The following SH3RF3 variants were observed in gnomAD, a reference collection of about 807,000 sequenced individuals.
SH3RF3 encodes SH3 domain containing ring finger 3.
In SH3RF3, 29 loss-of-function variants were observed where a neutral mutation model predicts 66.3. That is an observed-to-expected ratio of 0.44 (90% CI 0.33 to 0.60). The LOEUF (loss-of-function observed/expected upper bound fraction) is 0.60, where lower values mean the gene tolerates loss of function less well. Among genes scored for constraint, SH3RF3 ranks in the 20% least tolerant of loss-of-function variants. SH3RF3 has a pLI of 0.04. For synonymous variants in SH3RF3, 583 were observed against 532.0 expected (o/e 1.10, Z -1.32); for missense variants, 1,194 against 1,190.9 (o/e 1.00, Z -0.04).
At chr2:109,430,069 G>A (rs980479055) in intron 5 of SH3RF3, among the ~76,000 whole-genome samples, 7 of 152,210 alleles carry the variant, frequency 4.6e-5, no homozygotes. Flanking sequence ...GTGGTCAGCA[G>A]CTAGGGCGTG....
In SH3RF3 at chr2:109,129,758, G is replaced by A; in HGVS notation, c.218G>A (p.Cys73Tyr). 2 of 1,539,532 alleles carry A rather than the reference G, an allele frequency of 1.3e-6. No individual in the cohort carries two copies. Among genetic ancestry groups the A allele is most frequent in the Non-Finnish European group, 1.7e-6 (2 of 1,145,270 alleles). Residue 73 changes from cysteine (C) to tyrosine (Y), a missense_variant, in exon 1 of 10, where the codon TGC becomes TAC. Physicochemically the swap from Cys to Tyr is radical, Grantham distance 194. Transcript: ENST00000309415. ...GACACCACGGCCAAGGTGCTGCCAT[G>A]CCAACACACTTTCTGCCGCCGCTGC... ...RLDTTAKVLPCQHTFCRRCLE... is the reference protein window; with the variant it reads ...RLDTTAKVLPYQHTFCRRCLE...
At chr2:109,401,262 G>A (rs558629684) in intron 4 of SH3RF3, among the ~76,000 whole-genome samples, 29 of 152,208 alleles carry the variant, frequency 1.9e-4, no homozygotes, top group Non-Finnish European at 3.1e-4. Flanking sequence ...GTGAACAGTC[G>A]AAAGTTGTGT....
chr2:109,365,697 T>C (rs1330447330), intron 2 of SH3RF3, among the ~76,000 whole-genome samples: 1 of 152,230 alleles, frequency 6.6e-6, no homozygotes, highest in Non-Finnish European at 1.5e-5. Context: ...CTGTTTTATT[T>C]CATTGATCTT....
At chr2:109,265,696 T>C (rs116263697) in intron 1 of SH3RF3, among the ~76,000 whole-genome samples, 52 of 152,386 alleles carry the variant, frequency 3.4e-4, no homozygotes, top group African/African-American at 1.2e-3. Context: ...ACAGGTCATC[T>C]GATTATAGTC....
chr2:109,205,111 G>A (rs1678778619), intron 1 of SH3RF3, among the ~76,000 whole-genome samples: 1 of 152,174 alleles, frequency 6.6e-6, no homozygotes, highest in African/African-American at 2.4e-5. Context: ...GGAGGCCGAG[G>A]TAGGAGGATG....
chr2:109,138,595 G>A (rs1354371527), intron 1 of SH3RF3, among the ~76,000 whole-genome samples: 1 of 152,182 alleles, frequency 6.6e-6, no homozygotes, highest in African/African-American at 2.4e-5. Context: ...TGGGCAGCCC[G>A]CTGCTGCTGG....
At chr2:109,386,664 C>T (rs983615335) in intron 3 of SH3RF3, among the ~76,000 whole-genome samples, 2 of 152,200 alleles carry the variant, frequency 1.3e-5, no homozygotes, top group African/African-American at 4.8e-5. Context: ...CTAGGGGCAG[C>T]CCCAGGATCC....
At chr2:109,333,794 T>TC (rs1682341270) in intron 1 of SH3RF3, among the ~76,000 whole-genome samples, 1 of 152,220 alleles carries the variant, frequency 6.6e-6, no homozygotes, top group African/African-American at 2.4e-5. Context: ...TGACTTAGTT[T>TC]CCTCCACTGT....
intron 1 of SH3RF3, among the ~76,000 whole-genome samples, chr2:109,158,185 G>A (rs1197745756): frequency 1.3e-5 from 2 of 152,192 alleles, no homozygotes; most frequent in Admixed American, 1.3e-4. Context: ...ACGACTGCAA[G>A]CTGTGCTGGG....
At chr2:109,429,688 C>T (rs1390561622) in intron 5 of SH3RF3, among the ~76,000 whole-genome samples, 1 of 152,190 alleles carries the variant, frequency 6.6e-6, no homozygotes, top group Non-Finnish European at 1.5e-5. Context: ...CCAGCCCTGG[C>T]CCTACCCCTG....
Position 109,227,207 on chromosome 2 carries a change from G to C in SH3RF3, c.573+97094G>C, listed in dbSNP as rs548443994. Among the ~76,000 whole-genome samples the C allele has an allele frequency of 7.9e-5, 12 of 152,282 alleles. No homozygotes were observed. The East Asian group carries it at 2.1e-3, about 27-fold the overall frequency. The stretch of plus-strand genomic sequence containing the variant: ...TGTGTGTTTTCTCCTGAAATTGAGA[G>C]GATCCCACCCAGGCCTCAGGGGCTG... On this transcript the variant is annotated intron_variant, in intron 1 of 9. Coordinates refer to ENST00000309415, the MANE Select transcript of SH3RF3 (RefSeq NM_001099289.3).
intron 1 of SH3RF3, 46 bp from the exon 2 acceptor site, chr2:109,347,628 T>C (rs1191888677): frequency 2.5e-6 from 4 of 1,591,064 alleles, no homozygotes; most frequent in Non-Finnish European, 2.6e-6. Flanking sequence ...TGTGGGGCAT[T>C]GGGAAGGGGC....
intron 1 of SH3RF3, among the ~76,000 whole-genome samples, chr2:109,301,340 GTGTGTGTGTGTGTT>G: frequency 7.9e-6 from 1 of 126,782 alleles, no homozygotes; most frequent in South Asian, 2.5e-4. Flanking sequence ...TGTGACGTGT[GTGTGTGTGTGTGTT>G]TGTGTATGTT....
In SH3RF3 at chr2:109,296,399, T is replaced by TG. The variant is rs200773359; in HGVS notation, c.574-51275_574-51274insG. 5.8e-3 allele frequency among the ~76,000 whole-genome samples: 884 copies of TG among 151,796 alleles called. 15 individuals are homozygous for TG. The highest frequency in any genetic ancestry group is 0.02 in the African/African-American group (833 of 41,332). ...TGCACCACCACACCCAGTTTTTTTT[T>TG]TGTGTGTGTGTTTTTTATTGTTAGT... On this transcript the variant is annotated intron_variant, in intron 1 of 9. Coordinates refer to ENST00000309415, the MANE Select transcript of SH3RF3 (RefSeq NM_001099289.3).
intron 9 of SH3RF3, among the ~76,000 whole-genome samples, 173 bp downstream of exon 9, chr2:109,491,109 C>T (rs1412723486): frequency 2.0e-5 from 3 of 152,180 alleles, no homozygotes; most frequent in Non-Finnish European, 4.4e-5. Flanking sequence ...CTGGATGAAA[C>T]GAGTCTGGGA....
chr2:109,238,004 A>G (rs561258998), intron 1 of SH3RF3, among the ~76,000 whole-genome samples: 22 of 152,316 alleles, frequency 1.4e-4, no homozygotes, highest in African/African-American at 5.1e-4. Context: ...TCAGGAGTTC[A>G]AAATCAGCCT....
At chr2:109,158,407 C>G (rs1056813300) in intron 1 of SH3RF3, among the ~76,000 whole-genome samples, 2 of 152,144 alleles carry the variant, frequency 1.3e-5, no homozygotes, top group Non-Finnish European at 2.9e-5. Flanking sequence ...GCATGGCTTG[C>G]CTTCGTGGGT....
intron 6 of SH3RF3, among the ~76,000 whole-genome samples, chr2:109,434,359 A>G (rs569821099): frequency 2.8e-4 from 42 of 152,334 alleles, no homozygotes; most frequent in African/African-American, 1.0e-3. Flanking sequence ...CCCAGTTTCC[A>G]GTTTCTCTCC....
intron 8 of SH3RF3, among the ~76,000 whole-genome samples, chr2:109,450,953 C>T (rs1007120682): frequency 9.9e-5 from 15 of 152,246 alleles, no homozygotes; most frequent in African/African-American, 2.7e-4. Flanking sequence ...CTCTCTTTCT[C>T]GAGGACATTG....
Sources: gnomAD v4.1 joint callset for allele counts (sites outside exome capture counted in the v4.1 genomes callset) on GRCh38, gnomAD v4.1.1 for gene constraint, MANE v1.5 for transcripts, NCBI Gene and HGNC (gene_info 2026-07-23, HGNC 2026-07-21) for gene names.